The following NCOR1 variants were observed in gnomAD, a reference collection of about 807,000 sequenced individuals.
The protein encoded by NCOR1 is protein phosphatase 1, regulatory subunit 109.
A neutral mutation model predicts 288.1 loss-of-function variants in NCOR1; 63 were observed. The observed-to-expected ratio is 0.22, with a 90% CI of 0.18 to 0.27. The LOEUF (loss-of-function observed/expected upper bound fraction) is 0.27, where lower values mean the gene tolerates loss of function less well. NCOR1 is among the 10% of genes least tolerant of loss of function. The pLI is 1.00. For synonymous variants in NCOR1, 1,007 were observed against 1,065.9 expected, an observed-to-expected ratio of 0.94 and a Z score of 1.08; for missense variants, 2,397 against 3,019.2, an observed-to-expected ratio of 0.79 and a Z score of 4.83.
intron 14 of NCOR1, among the ~76,000 whole-genome samples, chr17:16,129,055 C>T (rs1412183158): frequency 6.6e-6 from 1 of 152,190 alleles, no homozygotes; most frequent in Non-Finnish European, 1.5e-5. Context: ...CATCACATGG[C>T]TCATTATGCC....
At chr17:16,104,679 G>C (rs1383242187) in intron 19 of NCOR1, among the ~76,000 whole-genome samples, 1 of 152,196 alleles carries the variant, frequency 6.6e-6, no homozygotes, top group African/African-American at 2.4e-5. Flanking sequence ...GCTGAGGCAA[G>C]AGAATCACTT....
intron 42 of NCOR1, among the ~76,000 whole-genome samples, chr17:16,042,024 G>A (rs772737858): frequency 9.5e-4 from 144 of 152,260 alleles, no homozygotes; most frequent in Non-Finnish European, 1.3e-3. Context: ...GTGAGCCACC[G>A]TGCCCGGCCA....
chr17:16,181,181 T>G (rs2085335576), intron 3 of NCOR1, among the ~76,000 whole-genome samples: 1 of 143,362 alleles, frequency 7.0e-6, no homozygotes, highest in African/African-American at 2.6e-5. Flanking sequence ...AGAAAGAAAA[T>G]GTGATGTGTG....
chr17:16,073,954 T>C (rs1017293062), intron 27 of NCOR1, among the ~76,000 whole-genome samples: 1 of 152,128 alleles, frequency 6.6e-6, no homozygotes, highest in East Asian at 1.9e-4. Flanking sequence ...GAGGAAGCAA[T>C]GTGTAAGCTG....
intron 26 of NCOR1, among the ~76,000 whole-genome samples, chr17:16,076,820 C>G (rs1349838537): frequency 6.6e-6 from 1 of 152,192 alleles, no homozygotes; most frequent in East Asian, 1.9e-4. Context: ...GTCTGAGCCA[C>G]TACAGCTTTC....
intron 27 of NCOR1, 72 bp downstream of exon 27, chr17:16,075,462 G>A (rs994031766): frequency 4.7e-5 from 71 of 1,510,844 alleles, no homozygotes; most frequent in Non-Finnish European, 6.1e-5. Flanking sequence ...GAGCAGAAAT[G>A]CGGGAAAACC....
intron 42 of NCOR1, among the ~76,000 whole-genome samples, chr17:16,041,668 G>A (rs1196467242): frequency 6.6e-6 from 1 of 152,044 alleles, no homozygotes; most frequent in Non-Finnish European, 1.5e-5. Context: ...ACCCACCTCA[G>A]CCTCCTAAAG....
chr17:16,118,609 A>G (rs1432811590), intron 17 of NCOR1, among the ~76,000 whole-genome samples: 1 of 152,234 alleles, frequency 6.6e-6, no homozygotes, highest in East Asian at 1.9e-4. Flanking sequence ...AAACACACAC[A>G]TACGTGCAAA....
In NCOR1 at chr17:16,048,950, G is replaced by A. The variant is rs779213445; in HGVS notation, c.6431C>T (p.Ser2144Leu). 2.0e-5 allele frequency: 32 copies of A among 1,612,784 alleles called. No individual in the cohort carries two copies. Among genetic ancestry groups the A allele is most frequent in the South Asian group, 6.6e-5 (6 of 90,946 alleles). Residue 2144 changes from serine to leucine, a missense_variant, in exon 41 of 46, where the codon TCG becomes TTG. This residue lies in a region of NCOR1 where 1,872 missense variants were observed against 2,187.8 expected (regional missense o/e 0.86). Coordinates refer to ENST00000268712, the MANE Select transcript of NCOR1 (RefSeq NM_006311.4). Reference protein sequence around the residue: ...GKSPERSHVSSEPYEPISPPQ... With the variant: ...GKSPERSHVSLEPYEPISPPQ... ...TGGGGAGATGGGCTCGTAGGGCTCC[G>A]AAGAGACGTGACTCCTCTCTGGGGA...
At chr17:16,162,206 T>C (rs1488598370) in intron 5 of NCOR1, among the ~76,000 whole-genome samples, 3 of 151,736 alleles carry the variant, frequency 2.0e-5, no homozygotes, top group Admixed American at 6.6e-5. Context: ...TTACATATAA[T>C]TGAAAAGGAA....
At chr17:16,058,093 C>A (rs2060131251) in intron 38 of NCOR1, 29 bp from the exon 39 acceptor site, 1 of 1,608,178 alleles carries the variant, frequency 6.2e-7, no homozygotes, top group Non-Finnish European at 8.5e-7. Context: ...ATGTCTTACT[C>A]CAGGAATGTC....
rs2152722399 is a variant in NCOR1 at position 16,070,198 on chromosome 17, T to G, written c.4480A>C (p.Arg1494=). The change falls in exon 31 of 46, where the codon AGA becomes CGA. Residue 1494 remains arginine (R), a synonymous_variant. Coordinates refer to ENST00000268712, the MANE Select transcript of NCOR1 (RefSeq NM_006311.4). The stretch of plus-strand genomic sequence containing the variant: ...GTTCTGTTCATCATGGGTGAGCCTC[T>G]GGACATGGTGTTTTGATAACTCACA... The part of the protein sequence containing the change: ...TPVSYQNTMS[R]GSPMMNRTSD... 1.2e-6 allele frequency: 2 copies of G among 1,613,740 alleles called. No homozygotes were observed. The highest frequency in any genetic ancestry group is 2.2e-5 in the South Asian group (2 of 91,060).
chr17:16,032,610 T>C lies in NCOR1; in HGVS notation c.7136-127A>G, dbSNP rs964961580. The C allele has an allele frequency of 2.0e-5, 17 of 843,862 alleles. No homozygotes were observed. The Admixed American group carries it at 4.5e-4, about 22-fold the overall frequency. The allele number at this position is 843,862 out of a possible 1,614,324, so 52.3% of individuals were successfully genotyped here. ...GTCATGTGACACCATGAAAGCAAAATGAATACAACACGGAATGGCCAAAGT... is the reference window on the plus strand; with the variant it reads ...GTCATGTGACACCATGAAAGCAAAACGAATACAACACGGAATGGCCAAAGT... On this transcript the variant is annotated intron_variant, in intron 45 of 45. Transcript: ENST00000268712.
chr17:16,048,112 T>C, intron 41 of NCOR1, among the ~76,000 whole-genome samples: 1 of 152,228 alleles, frequency 6.6e-6, no homozygotes, highest in East Asian at 1.9e-4. Context: ...CCCTTCCCCA[T>C]TAGTATCAGT....
In NCOR1 at chr17:16,100,602, T is replaced by C. The variant is rs547262737; in HGVS notation, c.2690+648A>G. Among the ~76,000 whole-genome samples, 8 of 152,272 alleles carry C rather than the reference T, an allele frequency of 5.3e-5. No individual in the cohort carries two copies. The South Asian group carries it at 1.5e-3, about 28-fold the overall frequency. Reference sequence around the variant, plus strand: ...GATGCAGTGACCCGAGATCGTGTCATTGCACTCCAGCCTGGGGAAGAACGA... The same window carrying C: ...GATGCAGTGACCCGAGATCGTGTCACTGCACTCCAGCCTGGGGAAGAACGA... On this transcript the variant is annotated intron_variant, in intron 20 of 45. Transcript: ENST00000268712.
At chr17:16,038,281 G>C (rs1478552089) in intron 44 of NCOR1, among the ~76,000 whole-genome samples, 6 of 152,084 alleles carry the variant, frequency 3.9e-5, no homozygotes, top group Admixed American at 2.0e-4. Context: ...TTTTTTGTGT[G>C]CTTGTTTTTA....
intron 45 of NCOR1, 33 bp from the exon 46 acceptor site, chr17:16,032,516 T>C: frequency 6.5e-7 from 1 of 1,531,172 alleles, no homozygotes; most frequent in African/African-American, 1.4e-5. Context: ...TTCATTGTCA[T>C]GAACATAACT....
intron 1 of NCOR1, among the ~76,000 whole-genome samples, chr17:16,210,960 T>C (rs1483783618): frequency 6.6e-6 from 1 of 152,156 alleles, no homozygotes; most frequent in Non-Finnish European, 1.5e-5. Flanking sequence ...CTCGATCTCC[T>C]GACCTCATGA....
At chr17:16,060,945 C>T (rs142469963) in intron 37 of NCOR1, among the ~76,000 whole-genome samples, 212 of 152,274 alleles carry the variant, frequency 1.4e-3, no homozygotes, top group African/African-American at 4.8e-3. Flanking sequence ...CTTGCAAAAA[C>T]GATGCAATAT....
Sources: allele counts gnomAD v4.1 joint callset (sites outside exome capture counted in the v4.1 genomes callset), GRCh38; gene constraint gnomAD v4.1.1; regional missense constraint gnomAD v4.1.1; transcripts MANE v1.5; gene names NCBI Gene and HGNC (gene_info 2026-07-23, HGNC 2026-07-21).